FER1L6: variants seen among roughly 807,000 people sequenced by gnomAD.
FER1L6 encodes the protein fer-1-like protein 6.
FER1L6 carries 177 observed loss-of-function variants against 219.2 expected under a neutral mutation model. The ratio of observed to expected loss-of-function variants is 0.81; its 90% CI spans 0.71 to 0.91. The LOEUF is 0.91. Among genes scored for constraint, FER1L6 ranks in the 40% least tolerant of loss-of-function variants. The pLI is 0.00. For synonymous variants in FER1L6, 768 were observed against 824.3 expected (o/e 0.93, Z 1.17); for missense variants, 2,153 against 2,259.9 (o/e 0.95, Z 0.96).
intron 11 of FER1L6, among the ~76,000 whole-genome samples, chr8:123,983,143 C>A (rs1816394852): frequency 6.6e-6 from 1 of 152,210 alleles, no homozygotes; most frequent in Non-Finnish European, 1.5e-5. Flanking sequence ...GCTCATGGCT[C>A]ACCCTCATCA....
At position 123,864,142 on chromosome 8, in the gene FER1L6, C is replaced by T. The variant is rs202067355; in HGVS notation, c.-8+11957C>T. Among the ~76,000 whole-genome samples, 73 of 149,204 alleles carry T rather than the reference C, an allele frequency of 4.9e-4. 1 individual carries two copies. The South Asian group carries it at 7.1e-3, about 15-fold the overall frequency. On this transcript the variant is annotated intron_variant, in intron 1 of 40. Transcript: ENST00000522917. ...ACCGGTTGTTCCTTTCCATGTTTAG[C>T]GCTTCCTTCAGGAGCTCTTTTAGGG...
chr8:123,932,999 C>A (rs560797028), intron 1 of FER1L6, among the ~76,000 whole-genome samples: 1 of 152,200 alleles, frequency 6.6e-6, no homozygotes, highest in South Asian at 2.1e-4. Context: ...TGATTTTATA[C>A]CAGCCATTCA....
At chr8:124,000,640 G>T (rs1390954059) in intron 12 of FER1L6, among the ~76,000 whole-genome samples, 1 of 152,138 alleles carries the variant, frequency 6.6e-6, no homozygotes, top group Non-Finnish European at 1.5e-5. Context: ...AGGAGTTAAG[G>T]CATACAAAGT....
At chr8:123,859,138 C>A (rs909842477) in intron 1 of FER1L6, among the ~76,000 whole-genome samples, 3 of 152,036 alleles carry the variant, frequency 2.0e-5, no homozygotes, top group Admixed American at 6.6e-5. Context: ...TAGCTGGGAC[C>A]ACAGGTGTGC....
In FER1L6 at chr8:123,852,229, G is replaced by A. The variant is rs1816522498; in HGVS notation, c.-8+44G>A. On this transcript the variant is annotated intron_variant, in intron 1 of 40. Transcript: ENST00000522917. This position sits in a 1 kb window ranked among gnomAD's most constrained non-coding sequence, Gnocchi z 4.9. ...GATTCTACAGAAGCATTGTGTGCAG[G>A]GAAGGCAAGTTCATATCCAGAGCAA... The A allele has an allele frequency of 6.6e-6, 1 of 152,242 alleles. No individual in the cohort carries two copies. Among genetic ancestry groups the A allele is most frequent in the Non-Finnish European group, 1.5e-5 (1 of 68,116 alleles). The allele number at this position is 152,242 out of a possible 1,614,324, so 9.4% of individuals were successfully genotyped here.
At chr8:123,947,576 G>T (rs1407322366) in intron 1 of FER1L6, among the ~76,000 whole-genome samples, 2 of 152,132 alleles carry the variant, frequency 1.3e-5, no homozygotes, top group African/African-American at 4.8e-5. Context: ...GACTCCATCT[G>T]TCCATTCATC....
intron 33 of FER1L6, among the ~76,000 whole-genome samples, chr8:124,090,985 T>C (rs747410590): frequency 5.3e-5 from 8 of 152,052 alleles, no homozygotes; most frequent in South Asian, 4.2e-4. Flanking sequence ...AGAAAGGAGA[T>C]TGGTGATTGC....
chr8:124,108,333 A>T (rs1463412641), intron 39 of FER1L6, among the ~76,000 whole-genome samples: 1 of 66,386 alleles, frequency 1.5e-5, no homozygotes, highest in Admixed American at 1.3e-4. Context: ...AGATTGAGAA[A>T]ATTAAAGTAT....
intron 39 of FER1L6, among the ~76,000 whole-genome samples, chr8:124,110,846 T>C (rs1822991227): frequency 6.6e-6 from 1 of 152,136 alleles, no homozygotes. Flanking sequence ...CTGCCAGAGA[T>C]TTTTTAAACA....
At chr8:124,118,972 A>G in intron 40 of FER1L6, 28 bp downstream of exon 40, 1 of 1,565,834 alleles carries the variant, frequency 6.4e-7, no homozygotes, top group African/African-American at 1.4e-5. Context: ...TGGGAACATC[A>G]GAAATGGGAA....
intron 1 of FER1L6, among the ~76,000 whole-genome samples, chr8:123,918,195 G>C (rs1478804872): frequency 2.6e-5 from 4 of 151,972 alleles, no homozygotes; most frequent in Non-Finnish European, 2.9e-5. Context: ...CATAGTCCCA[G>C]CTACTCAGGA....
At chr8:123,884,877 C>A (rs1817171512) in intron 1 of FER1L6, among the ~76,000 whole-genome samples, 1 of 152,140 alleles carries the variant, frequency 6.6e-6, no homozygotes, top group African/African-American at 2.4e-5. Context: ...ATTGTGACCA[C>A]CCAGAGCCTC....
chr8:124,022,522 A>G lies in FER1L6; in HGVS notation c.2133+853A>G, dbSNP rs146936505. ...TACTCTTCCTATCTTAATTAATTCG[A>G]CTTTAAATTCTAATTTCCTGTGCAA... On this transcript the variant is annotated intron_variant, in intron 17 of 40. Coordinates refer to ENST00000522917, the MANE Select transcript of FER1L6 (RefSeq NM_001039112.2). 9.8e-5 allele frequency among the ~76,000 whole-genome samples: 15 copies of G among 152,346 alleles called. No homozygotes were observed. The East Asian group carries it at 2.9e-3, about 29-fold the overall frequency.
intron 15 of FER1L6, chr8:124,015,838 T>A (rs1818178465): frequency 6.6e-6 from 1 of 152,118 alleles, no homozygotes; most frequent in South Asian, 2.1e-4. Flanking sequence ...AAAATGTTAG[T>A]TTTATATCTG....
chr8:124,056,496 C>T (rs1586647890), intron 22 of FER1L6, among the ~76,000 whole-genome samples: 1 of 152,138 alleles, frequency 6.6e-6, no homozygotes, highest in East Asian at 1.9e-4. Flanking sequence ...ATAGATTTAA[C>T]CTAAGTTCTA....
intron 8 of FER1L6, 135 bp downstream of exon 8, chr8:123,975,441 C>A: frequency 1.3e-6 from 1 of 758,832 alleles, no homozygotes; most frequent in Non-Finnish European, 2.1e-6. Flanking sequence ...GCATTCTGCT[C>A]TATCAGACAC....
In FER1L6 at chr8:123,916,598, G is replaced by A. The variant is rs56054630; in HGVS notation, c.-7-39394G>A. Among the ~76,000 whole-genome samples the A allele has an allele frequency of 8.3e-3, 1,267 of 152,278 alleles. 26 individuals are homozygous for A. The highest frequency in any genetic ancestry group is 0.029 in the African/African-American group (1,203 of 41,540). Reference sequence around the variant, plus strand: ...ATTATAAATAGTTCTTGGAGTAAGCGCTCTGCTTTGAGTGAAGAGAGAACA... The same window carrying A: ...ATTATAAATAGTTCTTGGAGTAAGCACTCTGCTTTGAGTGAAGAGAGAACA... On this transcript the variant is annotated intron_variant, in intron 1 of 40. Transcript: ENST00000522917.
intron 1 of FER1L6, among the ~76,000 whole-genome samples, chr8:123,860,755 G>GT (rs1816731784): frequency 7.9e-6 from 1 of 126,890 alleles, no homozygotes; most frequent in Non-Finnish European, 1.6e-5. Context: ...TTTTTCATGT[G>GT]TTTTTTGGCT....
At chr8:123,933,468 C>G (rs1257976295) in intron 1 of FER1L6, among the ~76,000 whole-genome samples, 1 of 152,116 alleles carries the variant, frequency 6.6e-6, no homozygotes, top group African/African-American at 2.4e-5. Context: ...TTCACTTTCC[C>G]CCTAGTGCAT....
Sources: allele counts gnomAD v4.1 joint callset (sites outside exome capture counted in the v4.1 genomes callset), GRCh38; gene constraint gnomAD v4.1.1; non-coding constraint Gnocchi (gnomAD v3.1); transcripts MANE v1.5; gene names NCBI Gene and HGNC (gene_info 2026-07-23, HGNC 2026-07-21).